Variants in GABBR2 observed in about 807,000 individuals in gnomAD.
GABBR2 encodes the protein gamma-aminobutyric acid type B receptor subunit 2, also known as G-protein coupled receptor 51.
Under a neutral mutation model 105.6 loss-of-function variants are expected in GABBR2, and 23 were observed. The ratio of observed to expected loss-of-function variants is 0.22; its 90% CI spans 0.16 to 0.31. The LOEUF (loss-of-function observed/expected upper bound fraction) is 0.31, where lower values mean the gene tolerates loss of function less well. GABBR2 is among the 10% of genes least tolerant of loss of function. The probability of loss-of-function intolerance (pLI) is 1.00; values close to 1 mark genes in which losing one functional copy is unlikely to be tolerated. For synonymous variants in GABBR2, 478 were observed against 499.7 expected (o/e 0.96, Z 0.58); for missense variants, 734 against 1,245.5 (o/e 0.59, Z 6.18).
intron 3 of GABBR2, among the ~76,000 whole-genome samples, chr9:98,521,821 C>A (rs1057355157): frequency 1.3e-5 from 2 of 151,988 alleles, no homozygotes; most frequent in African/African-American, 2.4e-5. Flanking sequence ...AAGCGAATAC[C>A]AGGTCATAGA....
At chr9:98,673,974 C>G (rs1830440742) in intron 1 of GABBR2, among the ~76,000 whole-genome samples, 1 of 152,142 alleles carries the variant, frequency 6.6e-6, no homozygotes, top group South Asian at 2.1e-4. Flanking sequence ...TGTCCACATA[C>G]CCCACATCAA....
chr9:98,491,289 A>G (rs1310212356), intron 4 of GABBR2, among the ~76,000 whole-genome samples: 1 of 152,234 alleles, frequency 6.6e-6, no homozygotes, highest in Non-Finnish European at 1.5e-5. Flanking sequence ...CTTGCTTGGT[A>G]GACCTTTGCT....
intron 3 of GABBR2, among the ~76,000 whole-genome samples, chr9:98,505,989 C>T (rs1299312299): frequency 6.6e-6 from 1 of 152,214 alleles, no homozygotes; most frequent in Non-Finnish European, 1.5e-5. Context: ...CCTATCCAAT[C>T]TAGATGCTCA....
At chr9:98,345,586 A>G (rs1046281985) in intron 13 of GABBR2, among the ~76,000 whole-genome samples, 4 of 152,204 alleles carry the variant, frequency 2.6e-5, no homozygotes, top group Admixed American at 2.0e-4. Flanking sequence ...TCAACATTGT[A>G]CTAGAAGTTC....
At position 98,530,300 on chromosome 9, in the gene GABBR2, A is replaced by G. The variant is rs1828040581; in HGVS notation, c.630+11573T>C. 3.9e-5 allele frequency among the ~76,000 whole-genome samples: 6 copies of G among 152,196 alleles called. No homozygotes were observed. In the South Asian group the frequency reaches 1.2e-3, roughly 32 times the overall value. On this transcript the variant is annotated intron_variant, in intron 3 of 18. Coordinates refer to ENST00000259455, the MANE Select transcript of GABBR2 (RefSeq NM_005458.8). Reference sequence around the variant, plus strand: ...CTTGAGACATGGTTGATTGGCCTGTATATTCACCTCCCTGCTTCTGTGGTA... The same window carrying G: ...CTTGAGACATGGTTGATTGGCCTGTGTATTCACCTCCCTGCTTCTGTGGTA...
intron 6 of GABBR2, among the ~76,000 whole-genome samples, chr9:98,459,058 C>T (rs562391707): frequency 1.1e-4 from 17 of 152,266 alleles, no homozygotes; most frequent in South Asian, 2.1e-4. Context: ...AACTTGTATT[C>T]GCATGCTACG....
At chr9:98,496,873 AT>A (rs1297279823) in intron 3 of GABBR2, among the ~76,000 whole-genome samples, 1 of 152,168 alleles carries the variant, frequency 6.6e-6, no homozygotes, top group African/African-American at 2.4e-5. Context: ...ATTTTGCACT[AT>A]TTATTTGCAA....
intron 13 of GABBR2, among the ~76,000 whole-genome samples, chr9:98,350,992 C>T (rs192471172): frequency 1.2e-4 from 19 of 152,138 alleles, no homozygotes; most frequent in Non-Finnish European, 2.5e-4. Context: ...GTCATGTTCT[C>T]CTTTGTCCCT....
At chr9:98,627,948 T>C (rs1393249906) in intron 1 of GABBR2, among the ~76,000 whole-genome samples, 1 of 152,232 alleles carries the variant, frequency 6.6e-6, no homozygotes, top group African/African-American at 2.4e-5. Context: ...AAGTTGGACA[T>C]AGGCAGCCAG....
At chr9:98,584,645 CT>C (rs1279385724) in intron 1 of GABBR2, among the ~76,000 whole-genome samples, 4 of 152,118 alleles carry the variant, frequency 2.6e-5, no homozygotes, top group Non-Finnish European at 5.9e-5. Context: ...AATTAAAATA[CT>C]TTTTTGATTT....
intron 15 of GABBR2, among the ~76,000 whole-genome samples, chr9:98,304,917 G>A (rs1435670335): frequency 6.6e-6 from 1 of 152,174 alleles, no homozygotes; most frequent in Non-Finnish European, 1.5e-5. Flanking sequence ...GACTACAGGT[G>A]TGTACCACCA....
intron 1 of GABBR2, among the ~76,000 whole-genome samples, chr9:98,644,706 G>A (rs1284759640): frequency 1.3e-5 from 2 of 152,108 alleles, no homozygotes; most frequent in Non-Finnish European, 2.9e-5. Flanking sequence ...GCTGGGCATA[G>A]TGGCAGCCAC....
intron 7 of GABBR2, among the ~76,000 whole-genome samples, chr9:98,409,638 TA>T (rs1340985428): frequency 6.6e-6 from 1 of 152,182 alleles, no homozygotes; most frequent in African/African-American, 2.4e-5. Flanking sequence ...AGAGCTATGT[TA>T]GTTCAGGTTA....
chr9:98,299,855 C>T (rs1260175214), intron 16 of GABBR2, among the ~76,000 whole-genome samples: 1 of 152,066 alleles, frequency 6.6e-6, no homozygotes, highest in African/African-American at 2.4e-5. Context: ...ATAAGGGCAA[C>T]TTGCTACTAT....
intron 1 of GABBR2, among the ~76,000 whole-genome samples, chr9:98,623,817 T>C (rs771347606): frequency 3.9e-4 from 60 of 152,286 alleles, no homozygotes; most frequent in Non-Finnish European, 7.1e-4. Context: ...CTTAACTTAA[T>C]CCCATCTGTC....
intron 1 of GABBR2, chr9:98,607,238 T>C (rs1829439075): frequency 1.4e-6 from 2 of 1,384,906 alleles, no homozygotes; most frequent in African/African-American, 1.4e-5. Context: ...ACATTGATAA[T>C]AAACTTGAGG....
intron 13 of GABBR2, among the ~76,000 whole-genome samples, chr9:98,340,430 C>T (rs1261335748): frequency 6.8e-6 from 1 of 146,580 alleles, no homozygotes; most frequent in Non-Finnish European, 1.5e-5. Context: ...TTCTCTCTCT[C>T]TCTTTTTTTT....
chr9:98,428,734 A>AT (rs1437461461), intron 7 of GABBR2, among the ~76,000 whole-genome samples: 2 of 152,286 alleles, frequency 1.3e-5, no homozygotes, highest in Non-Finnish European at 2.9e-5. Flanking sequence ...ACTAGCAGGG[A>AT]TTTTGCTGGT....
In GABBR2 at chr9:98,684,300, T is replaced by C. The variant is rs570209604; in HGVS notation, c.321+24117A>G. On this transcript the variant is annotated intron_variant, in intron 1 of 18. Coordinates refer to ENST00000259455, the MANE Select transcript of GABBR2 (RefSeq NM_005458.8). ...TGGTATCAACAGTGATTGTGTTAGA[T>C]AGTCAGGTTATAAGTGATTTGAATT... Among the ~76,000 whole-genome samples, 20 of 151,962 alleles carry C rather than the reference T, an allele frequency of 1.3e-4. 1 individual carries two copies. The South Asian group carries it at 3.9e-3, about 30-fold the overall frequency.
Sources: gnomAD v4.1 joint callset for allele counts (sites outside exome capture counted in the v4.1 genomes callset) on GRCh38, gnomAD v4.1.1 for gene constraint, MANE v1.5 for transcripts, NCBI Gene and HGNC (gene_info 2026-07-23, HGNC 2026-07-21) for gene names.